Variants in ATG16L2 observed in about 807,000 individuals in gnomAD.
ATG16L2 encodes the protein autophagy related 16 like 2.
In ATG16L2, 77 loss-of-function variants were observed where a neutral mutation model predicts 84.7. The ratio of observed to expected loss-of-function variants is 0.91; its 90% CI spans 0.76 to 1.10. The LOEUF (loss-of-function observed/expected upper bound fraction) is 1.10. Ranked by LOEUF, ATG16L2 falls within the 50% of genes least tolerant of loss-of-function variation. ATG16L2 has a pLI of 0.00. For missense variants in ATG16L2, 782 were observed against 817.6 expected, an observed-to-expected ratio of 0.96 and a Z score of 0.53; for synonymous variants, 361 against 342.8, an observed-to-expected ratio of 1.05 and a Z score of -0.59.
At chr11:72,841,547 G>T in intron 5 of ATG16L2, 1 of 1,610,822 alleles carries the variant, frequency 6.2e-7, no homozygotes, top group East Asian at 2.2e-5. Flanking sequence ...AACGGCAGTG[G>T]AGGCAGGGAG....
chr11:72,840,795 G>A, intron 5 of ATG16L2: 1 of 1,027,244 alleles, frequency 9.7e-7, no homozygotes, highest in South Asian at 1.3e-5. Flanking sequence ...TAACAACACA[G>A]GGGCCACGGG....
At chr11:72,835,067 T>C (rs771410039) in intron 5 of ATG16L2, among the ~76,000 whole-genome samples, 13 of 152,264 alleles carry the variant, frequency 8.5e-5, no homozygotes, top group Middle Eastern at 3.4e-3. Context: ...TGTGGGTTGA[T>C]TGCATCATGC....
In ATG16L2 at chr11:72,817,781, C is replaced by T; in HGVS notation, c.244C>T (p.Gln82Ter). 1 of 1,613,670 alleles carries T rather than the reference C, an allele frequency of 6.2e-7. No individual in the cohort carries two copies. The highest frequency in any genetic ancestry group is 8.5e-7 in the Non-Finnish European group (1 of 1,180,016). Residue 82 changes from glutamine to a stop codon, truncating the protein, a stop_gained, in exon 3 of 18, where the codon CAA becomes TAA. Transcript: ENST00000321297. LOFTEE classifies it high-confidence loss of function. ...PWEESELDSD[Q>*]VPSLVALRVK... ...GGAGGAGTCAGAGCTTGACTCAGAC[C>T]AAGTCCCATCACTGGTCGCACTGAG...
intron 8 of ATG16L2, 156 bp downstream of exon 8, chr11:72,824,278 G>A: frequency 1.2e-6 from 1 of 854,402 alleles, no homozygotes; most frequent in Admixed American, 2.1e-5. Flanking sequence ...CAGGTGAATG[G>A]CCTCAGCCCC....
At chr11:72,826,375 C>A in intron 11 of ATG16L2, 132 bp downstream of exon 11, 4 of 1,424,726 alleles carry the variant, frequency 2.8e-6, no homozygotes, top group Non-Finnish European at 2.9e-6. Context: ...TACACAGATC[C>A]TCCTCCTTGG....
At chr11:72,839,981 G>A (rs1428865614) in intron 5 of ATG16L2, among the ~76,000 whole-genome samples, 2 of 152,198 alleles carry the variant, frequency 1.3e-5, no homozygotes, top group African/African-American at 4.8e-5. Context: ...CAGAGAGGAA[G>A]AAAGCAAACG....
intron 5 of ATG16L2, chr11:72,838,921 G>GT: frequency 6.6e-7 from 1 of 1,508,014 alleles, no homozygotes; most frequent in Admixed American, 1.9e-5. Context: ...TCCTGACTCA[G>GT]TATCTGAAGC....
In ATG16L2 at chr11:72,824,550, C is replaced by T. The variant is rs1860218569; in HGVS notation, c.888-184C>T. ...TGTGTCTGCCTCTGTGTGCTCCCCA[C>T]CCCGTCTCCACACCAACCCCTGGGG... On this transcript the variant is annotated intron_variant, in intron 8 of 17. Coordinates refer to ENST00000321297, the MANE Select transcript of ATG16L2 (RefSeq NM_033388.2). The T allele has an allele frequency of 1.1e-5, 7 of 618,028 alleles. No individual in the cohort carries two copies. In the Admixed American group the frequency reaches 1.8e-4, roughly 16 times the overall value. The allele number at this position is 618,028 out of a possible 1,614,324, so 38.3% of individuals were successfully genotyped here. A position where few individuals can be genotyped will look rare whatever the true frequency, so the allele number is the denominator to read the frequency against.
intron 5 of ATG16L2, chr11:72,842,470 G>A: frequency 2.4e-6 from 2 of 826,160 alleles, no homozygotes; most frequent in Non-Finnish European, 3.7e-6. Context: ...CAAGTCTCTG[G>A]TTTCCCAAAT....
intron 15 of ATG16L2, 58 bp downstream of exon 15, chr11:72,828,566 TCTC>T (rs2135125307): frequency 1.9e-6 from 3 of 1,609,570 alleles, no homozygotes; most frequent in East Asian, 2.2e-5. Flanking sequence ...GAGCCTCTCT[TCTC>T]CTGTAATAGA....
chr11:72,824,338 T>G, intron 8 of ATG16L2: 1 of 606,918 alleles, frequency 1.6e-6, no homozygotes. Context: ...GGGTCTGTCT[T>G]CATCCAAGGT....
intron 7 of ATG16L2, 102 bp from the exon 8 acceptor site, chr11:72,823,958 G>C: frequency 7.6e-7 from 1 of 1,319,268 alleles, no homozygotes; most frequent in Non-Finnish European, 1.1e-6. Context: ...GACTTGAGAG[G>C]TTACAAGCCT....
At chr11:72,839,339 A>C (rs1309670775) in intron 5 of ATG16L2, among the ~76,000 whole-genome samples, 3 of 152,240 alleles carry the variant, frequency 2.0e-5, no homozygotes, top group Non-Finnish European at 4.4e-5. Context: ...TTTATTCTGT[A>C]GGCAAAAGAG....
chr11:72,822,245 C>A lies in ATG16L2; in HGVS notation c.594C>A (p.Arg198=). The change falls in exon 5 of 18, where the codon CGC becomes CGA. Residue 198 remains arginine (R), a synonymous_variant. Coordinates refer to ENST00000321297, the MANE Select transcript of ATG16L2 (RefSeq NM_033388.2). The surrounding 1 kb of genome is among the most constrained non-coding windows in gnomAD (Gnocchi z 4.2). The part of the protein sequence containing the change: ...ARDLLERLVQ[R]KARAAAERNL... The stretch of plus-strand genomic sequence containing the variant: ...ACCTGCTGGAGAGGCTCGTGCAGCG[C>A]AAGGCGCGCGCCGCGGCCGAGCGCA... The A allele has an allele frequency of 6.7e-7, 1 of 1,498,610 alleles. No homozygotes were observed. 92.8% of individuals were successfully genotyped at this position (1,498,610 alleles called of 1,614,324 possible). A position where few individuals can be genotyped will look rare whatever the true frequency, so the allele number is the denominator to read the frequency against.
At chr11:72,825,251 C>CA in intron 9 of ATG16L2, 51 bp from the exon 10 acceptor site, 3 of 1,470,774 alleles carry the variant, frequency 2.0e-6, no homozygotes, top group East Asian at 2.3e-5. Context: ...TGAGCACTCA[C>CA]AGAGACATGC....
intron 5 of ATG16L2, among the ~76,000 whole-genome samples, chr11:72,839,044 G>A (rs1046189560): frequency 1.3e-5 from 2 of 152,192 alleles, no homozygotes; most frequent in African/African-American, 4.8e-5. Context: ...ACACTGAGAA[G>A]CAGTTGTTCT....
At chr11:72,838,633 C>T (rs1367359577) in intron 5 of ATG16L2, 6 of 604,586 alleles carry the variant, frequency 9.9e-6, no homozygotes, top group South Asian at 2.0e-5. Context: ...ATATTCAAAA[C>T]GTGGGAGGAG....
In ATG16L2 at chr11:72,829,617, G is replaced by GA; in HGVS notation, c.*234dup. ...TCTCCTCACTTTTTCTCCCAAAGTA[G>GA]AAAAAAATGATATCTGAACTGCGTC... On this transcript the variant is annotated 3_prime_UTR_variant, in exon 18 of 18. Coordinates refer to ENST00000321297, the MANE Select transcript of ATG16L2 (RefSeq NM_033388.2). 1.5e-6 allele frequency: 2 copies of GA among 1,347,678 alleles called. No homozygotes were observed. The highest frequency in any genetic ancestry group is 5.7e-5 in the East Asian group (2 of 35,058). 83.5% of individuals were successfully genotyped at this position (1,347,678 alleles called of 1,614,324 possible). A position where few individuals can be genotyped will look rare whatever the true frequency, so the allele number is the denominator to read the frequency against.
At chr11:72,826,367 C>G in intron 11 of ATG16L2, 124 bp downstream of exon 11, 9 of 1,422,830 alleles carry the variant, frequency 6.3e-6, no homozygotes, top group Non-Finnish European at 7.7e-6. Flanking sequence ...TGGGCTCTTA[C>G]ACAGATCCTC....
Sources: allele counts gnomAD v4.1 joint callset (sites outside exome capture counted in the v4.1 genomes callset), GRCh38; gene constraint gnomAD v4.1.1; non-coding constraint Gnocchi (gnomAD v3.1); transcripts MANE v1.5; gene names NCBI Gene and HGNC (gene_info 2026-07-23, HGNC 2026-07-21).